Variants in GPATCH8 observed in about 807,000 individuals in gnomAD.
GPATCH8 encodes the protein G-patch domain containing 8.
Under a neutral mutation model 118.3 loss-of-function variants are expected in GPATCH8, and 18 were observed. The observed-to-expected ratio is 0.15, with a 90% confidence interval of 0.11 to 0.23. The LOEUF (loss-of-function observed/expected upper bound fraction) is 0.23, where lower values mean the gene tolerates loss of function less well. Ranked by LOEUF, GPATCH8 falls within the 10% of genes least tolerant of loss-of-function variation. The probability of loss-of-function intolerance (pLI) is 1.00; values close to 1 mark genes in which losing one functional copy is unlikely to be tolerated. For synonymous variants in GPATCH8, 659 were observed against 684.7 expected, an observed-to-expected ratio of 0.96 and a Z score of 0.59; for missense variants, 1,631 against 1,873.8, an observed-to-expected ratio of 0.87 and a Z score of 2.39.
chr17:44,468,754 A>G (rs2144335622), intron 2 of GPATCH8, among the ~76,000 whole-genome samples: 1 of 152,276 alleles, frequency 6.6e-6, no homozygotes, highest in East Asian at 1.9e-4. Flanking sequence ...GGTTAACAAC[A>G]AAGATACATG....
chr17:44,483,829 TTG>T (rs1464944988), intron 1 of GPATCH8, among the ~76,000 whole-genome samples: 2 of 137,288 alleles, frequency 1.5e-5, no homozygotes, highest in Non-Finnish European at 3.2e-5. Flanking sequence ...GTTGTTTTTG[TTG>T]TTGTTGTTGT....
At chr17:44,458,179 A>C (rs990658053) in intron 3 of GPATCH8, among the ~76,000 whole-genome samples, 2 of 150,410 alleles carry the variant, frequency 1.3e-5, no homozygotes, top group African/African-American at 4.9e-5. Flanking sequence ...TGAGCCCAGG[A>C]GATCAAGGCT....
chr17:44,486,997 T>C (rs114883437), intron 1 of GPATCH8, among the ~76,000 whole-genome samples: 124 of 152,326 alleles, frequency 8.1e-4, no homozygotes, highest in African/African-American at 2.9e-3. Flanking sequence ...TGAACCAACA[T>C]TGACACATCA....
chr17:44,470,704 T>C (rs1486685184), intron 2 of GPATCH8, among the ~76,000 whole-genome samples: 1 of 152,012 alleles, frequency 6.6e-6, no homozygotes. Flanking sequence ...GAGACAGGGT[T>C]TCACCATGTT....
intron 3 of GPATCH8, among the ~76,000 whole-genome samples, chr17:44,462,725 A>G (rs2051602804): frequency 2.0e-5 from 3 of 152,064 alleles, no homozygotes; most frequent in Admixed American, 1.3e-4. Context: ...GCTCACACCT[A>G]TAATCCCAGC....
chr17:44,482,130 A>C (rs149383589), intron 1 of GPATCH8, among the ~76,000 whole-genome samples: 1 of 151,650 alleles, frequency 6.6e-6, no homozygotes, highest in Non-Finnish European at 1.5e-5. Flanking sequence ...TCAAAAATAA[A>C]TAACCCCATG....
intron 6 of GPATCH8, among the ~76,000 whole-genome samples, chr17:44,410,119 A>G (rs576254446): frequency 6.6e-6 from 1 of 152,228 alleles, no homozygotes; most frequent in Non-Finnish European, 1.5e-5. Flanking sequence ...CTACCTAAAA[A>G]GTAATTTTTA....
chr17:44,413,279 T>C (rs1289092577), intron 6 of GPATCH8, among the ~76,000 whole-genome samples: 1 of 152,204 alleles, frequency 6.6e-6, no homozygotes, highest in Non-Finnish European at 1.5e-5. Flanking sequence ...TTCTTTTTCT[T>C]CTTATTTTTG....
At chr17:44,420,027 T>C (rs901970310) in intron 6 of GPATCH8, among the ~76,000 whole-genome samples, 4 of 150,336 alleles carry the variant, frequency 2.7e-5, no homozygotes, top group Non-Finnish European at 5.9e-5. Flanking sequence ...AAACCAAACT[T>C]GTACTACATG....
At chr17:44,477,021 G>A (rs1568046053) in intron 1 of GPATCH8, among the ~76,000 whole-genome samples, 1 of 152,166 alleles carries the variant, frequency 6.6e-6, no homozygotes, top group Non-Finnish European at 1.5e-5. Context: ...AAAGACTAAA[G>A]ACTTCAGTCT....
intron 3 of GPATCH8, among the ~76,000 whole-genome samples, chr17:44,453,528 T>TGTGTGTGTGTGTGTGTGTGTGTGC (rs1482667373): frequency 1.3e-5 from 2 of 150,584 alleles, no homozygotes; most frequent in Admixed American, 6.6e-5. Context: ...TGTGTGTGTG[T>TGTGTGTGTGTGTGTGTGTGTGTGC]GTGCAGGCGC....
chr17:44,423,421 G>T (rs1220749102), intron 6 of GPATCH8, among the ~76,000 whole-genome samples: 1 of 151,994 alleles, frequency 6.6e-6, no homozygotes, highest in Non-Finnish European at 1.5e-5. Context: ...AATAAAACTT[G>T]GTCAAAGATT....
rs748461413 is a variant in GPATCH8, at chr17:44,398,748, T to A, written c.3329A>T (p.Glu1110Val). 2 of 1,613,412 alleles carry A rather than the reference T, an allele frequency of 1.2e-6. No homozygotes were observed. Among genetic ancestry groups the A allele is most frequent in the Non-Finnish European group, 1.7e-6 (2 of 1,179,408 alleles). The change falls in exon 8 of 8, where the codon GAG (glutamate) becomes GTG (valine). Residue 1110 changes from glutamate (E) to valine (V), a missense_variant. Physicochemically the swap from Glu to Val is moderately radical, Grantham distance 121. Coordinates refer to ENST00000591680, the MANE Select transcript of GPATCH8 (RefSeq NM_001002909.4). ...TTTATTAGGGGTGGCCTGCACCTCC[T>A]CACTCACACTAGGTTTCCTCTCCAC... ...RKVERKPSVS[E>V]EVQATPNKAG...
intron 3 of GPATCH8, among the ~76,000 whole-genome samples, chr17:44,451,681 A>G (rs529561496): frequency 6.6e-6 from 1 of 152,294 alleles, no homozygotes; most frequent in East Asian, 1.9e-4. Context: ...ATATTTGGCA[A>G]AAGTTCTTAC....
chr17:44,450,906 TGTTA>T (rs898351573), intron 3 of GPATCH8, among the ~76,000 whole-genome samples: 5 of 152,220 alleles, frequency 3.3e-5, no homozygotes, highest in Non-Finnish European at 7.3e-5. Flanking sequence ...ACTTTTCACT[TGTTA>T]ATTATTATAA....
Position 44,398,890 on chromosome 17 carries a change from G to A in GPATCH8, c.3187C>T (p.Pro1063Ser), listed in dbSNP as rs1470376653. Residue 1063 changes from proline (P) to serine (S), a missense_variant, in exon 8 of 8, where the codon CCA becomes TCA. Physicochemically the swap from Pro to Ser is moderately conservative, Grantham distance 74. Transcript: ENST00000591680. ...GRGDDSKATGPPSQNSNIGTG... is the reference protein window; with the variant it reads ...GRGDDSKATGSPSQNSNIGTG... ...CCAATGTTGCTGTTCTGGGAAGGTG[G>A]ACCTGTTGCTTTACTGTCATCTCCT... is the stretch of plus-strand genomic sequence containing the variant. 4 of 1,613,892 alleles carry A rather than the reference G, an allele frequency of 2.5e-6. No individual in the cohort carries two copies. The highest frequency in any genetic ancestry group is 1.3e-5 in the African/African-American group (1 of 74,878).
At chr17:44,494,904 G>A (rs1305576278) in intron 1 of GPATCH8, among the ~76,000 whole-genome samples, 2 of 152,038 alleles carry the variant, frequency 1.3e-5, no homozygotes, top group Non-Finnish European at 2.9e-5. Flanking sequence ...TTAATTCATT[G>A]TCCTAAAAAA....
intron 1 of GPATCH8, among the ~76,000 whole-genome samples, chr17:44,491,887 T>A (rs1243692624): frequency 6.6e-6 from 1 of 152,124 alleles, no homozygotes; most frequent in Admixed American, 6.6e-5. Context: ...AATAAATGTA[T>A]GTATGTGCCT....
intron 5 of GPATCH8, among the ~76,000 whole-genome samples, chr17:44,426,536 AG>A (rs2143926255): frequency 6.7e-6 from 1 of 148,730 alleles, no homozygotes; most frequent in Non-Finnish European, 1.5e-5. Flanking sequence ...CCTGGGACGC[AG>A]AGGCTGCAGT....
Sources: allele counts gnomAD v4.1 joint callset (sites outside exome capture counted in the v4.1 genomes callset), GRCh38; gene constraint gnomAD v4.1.1; transcripts MANE v1.5; gene names NCBI Gene and HGNC (gene_info 2026-07-23, HGNC 2026-07-21).